The following BEGAIN variants were observed in gnomAD, a reference collection of about 807,000 sequenced individuals.
BEGAIN encodes the protein brain-enriched guanylate kinase-associated protein.
In BEGAIN, 19 loss-of-function variants were observed where a neutral mutation model predicts 35.8. That is an observed-to-expected ratio of 0.53 (90% CI 0.37 to 0.78). The LOEUF (loss-of-function observed/expected upper bound fraction) is 0.78. Ranked by LOEUF, BEGAIN falls within the 30% of genes least tolerant of loss-of-function variation. The pLI, the probability that BEGAIN is intolerant of heterozygous loss-of-function variation, is 0.00. For missense variants in BEGAIN, 795 were observed against 853.6 expected (o/e 0.93, Z 0.85); for synonymous variants, 462 against 388.6 (o/e 1.19, Z -2.22).
Position 100,538,765 on chromosome 14 carries a change from C to A in BEGAIN, c.1043G>T (p.Ser348Ile). The A allele has an allele frequency of 6.3e-7, 1 of 1,586,100 alleles. No homozygotes were observed. The highest frequency in any genetic ancestry group is 1.8e-5 in the Admixed American group (1 of 54,894). The stretch of plus-strand genomic sequence containing the variant: ...CTTGCGGTCGAAGAGCTCGTCGCGG[C>A]TGTTCAGGTAGATGGCCTGCTGCGA... ...TASQQAIYLN[S>I]RDELFDRKPP... is the part of the protein sequence containing the mutation. Residue 348 changes from serine (S) to isoleucine (I), a missense_variant, in exon 7 of 7, where the codon AGC (serine) becomes ATC (isoleucine). By Grantham distance (142) the Ser-to-Ile change is moderately radical. Coordinates refer to ENST00000554140, the MANE Select transcript of BEGAIN (RefSeq NM_001385089.1).
intron 1 of BEGAIN, among the ~76,000 whole-genome samples, chr14:100,581,396 A>G (rs1383169592): frequency 6.6e-6 from 1 of 152,024 alleles, no homozygotes; most frequent in Non-Finnish European, 1.5e-5. Flanking sequence ...GCTGCCGGCT[A>G]CCGTGGGCTC....
In BEGAIN at chr14:100,567,795, C is replaced by A; in HGVS notation, c.71+116G>T. 2 of 1,108,406 alleles carry A rather than the reference C, an allele frequency of 1.8e-6. No homozygotes were observed. The highest frequency in any genetic ancestry group is 2.4e-6 in the Non-Finnish European group (2 of 844,968). 68.7% of individuals were successfully genotyped at this position (1,108,406 alleles called of 1,614,324 possible). ...CACCTGGCCCGCAGCCCCGCCGAGG[C>A]CGCCCGCGGGCCCTGGGGGATGCGC... On this transcript the variant is annotated intron_variant, in intron 2 of 6. Transcript: ENST00000554140. This position sits in a 1 kb window ranked among gnomAD's most constrained non-coding sequence, Gnocchi z 5.1.
chr14:100,539,247 C>A lies in BEGAIN; in HGVS notation c.561G>T (p.Pro187=). The change falls in exon 7 of 7, where the codon CCG becomes CCT. Residue 187 remains proline (P), a synonymous_variant. Coordinates refer to ENST00000554140, the MANE Select transcript of BEGAIN (RefSeq NM_001385089.1). ...MEKHGCSLPS[P]LCHPAYADSV... is the part of the protein sequence containing the mutation. ...TGTCGGCGTAGGCCGGGTGGCAGAG[C>A]GGGGATGGCAGGCTGCAGCCGTGCT... 2 of 1,588,014 alleles carry A rather than the reference C, an allele frequency of 1.3e-6. No individual in the cohort carries two copies. The highest frequency in any genetic ancestry group is 8.6e-7 in the Non-Finnish European group (1 of 1,167,240).
intron 3 of BEGAIN, 54 bp downstream of exon 3, chr14:100,546,447 G>C (rs1172286616): frequency 1.3e-5 from 2 of 152,612 alleles, no homozygotes; most frequent in African/African-American, 6.8e-5. Context: ...CCCCGCCCCG[G>C]CCCTCGCCCC....
intron 2 of BEGAIN, chr14:100,546,915 C>G: frequency 2.7e-6 from 1 of 374,120 alleles, no homozygotes; most frequent in South Asian, 6.5e-5. Context: ...CCTCAGACTC[C>G]ACCAGTGTCC....
intron 2 of BEGAIN, among the ~76,000 whole-genome samples, chr14:100,562,452 C>T (rs1353495355): frequency 3.9e-5 from 6 of 152,118 alleles, no homozygotes; most frequent in East Asian, 1.9e-4. Context: ...CCCTCAAACC[C>T]GCTCCTCCCC....
chr14:100,579,257 C>T (rs146020846), intron 1 of BEGAIN, among the ~76,000 whole-genome samples: 1 of 152,338 alleles, frequency 6.6e-6, no homozygotes, highest in African/African-American at 2.4e-5. Flanking sequence ...TGCAATTCTC[C>T]AATGATATAC....
At chr14:100,578,160 A>G (rs1196689721) in intron 1 of BEGAIN, among the ~76,000 whole-genome samples, 1 of 152,164 alleles carries the variant, frequency 6.6e-6, no homozygotes, top group Non-Finnish European at 1.5e-5. Context: ...ACTAAATGAG[A>G]GCTGAGCTTC....
intron 6 of BEGAIN, among the ~76,000 whole-genome samples, chr14:100,539,653 C>A (rs2031261137): frequency 6.6e-6 from 1 of 152,052 alleles, no homozygotes; most frequent in South Asian, 2.1e-4. Context: ...GCTCCACCCC[C>A]CGCCACCCCC....
chr14:100,546,988 T>C, intron 2 of BEGAIN: 1 of 227,008 alleles, frequency 4.4e-6, no homozygotes. Flanking sequence ...CTGGCCAGTG[T>C]GTTGGGGGCG....
In BEGAIN at chr14:100,546,786, A is replaced by G. The variant is rs908106005; in HGVS notation, c.72-124T>C. Reference sequence around the variant, plus strand: ...CCGGCGCGCGCGCGCGCGCGCACACACACACACACACACACACACACACAC... The same window carrying G: ...CCGGCGCGCGCGCGCGCGCGCACACGCACACACACACACACACACACACAC... On this transcript the variant is annotated intron_variant, in intron 2 of 6. Transcript: ENST00000554140. 6.8e-3 allele frequency: 3,258 copies of G among 480,274 alleles called. 6 individuals carry two copies. Among genetic ancestry groups the G allele is most frequent in the Non-Finnish European group, 8.1e-3 (2,531 of 310,798 alleles). The allele number at this position is 480,274 out of a possible 1,614,324, so 29.8% of individuals were successfully genotyped here.
chr14:100,550,637 T>C (rs1469768477), intron 2 of BEGAIN: 1 of 395,954 alleles, frequency 2.5e-6, no homozygotes, highest in Non-Finnish European at 4.4e-6. Flanking sequence ...GGGGAGTTGG[T>C]CCCCACCCCC....
rs1441199298 is a variant in BEGAIN at position 100,563,159 on chromosome 14, G to A, written c.71+4752C>T. 6.6e-6 allele frequency among the ~76,000 whole-genome samples: 1 copy of A among 152,214 alleles called. No homozygotes were observed. The highest frequency in any genetic ancestry group is 1.5e-5 in the Non-Finnish European group (1 of 68,034). ...AGTGTCTCAGCCTGGACAAGTGTCCGACATGGACAGGACCACAAGCACCGG... is the reference window on the plus strand; with the variant it reads ...AGTGTCTCAGCCTGGACAAGTGTCCAACATGGACAGGACCACAAGCACCGG... On this transcript the variant is annotated intron_variant, in intron 2 of 6. Coordinates refer to ENST00000554140, the MANE Select transcript of BEGAIN (RefSeq NM_001385089.1). This position sits in a 1 kb window ranked among gnomAD's most constrained non-coding sequence, Gnocchi z 4.2.
At chr14:100,540,684 G>C in intron 5 of BEGAIN, 105 bp from the exon 6 acceptor site, 1 of 792,284 alleles carries the variant, frequency 1.3e-6, no homozygotes, top group Non-Finnish European at 2.1e-6. Context: ...CACAGGGCCT[G>C]CTGTGCGCTC....
chr14:100,574,880 G>A (rs1393991384), intron 1 of BEGAIN, among the ~76,000 whole-genome samples: 1 of 152,192 alleles, frequency 6.6e-6, no homozygotes, highest in Non-Finnish European at 1.5e-5. Flanking sequence ...CCCACCCAGG[G>A]CCATGCCCCT....
At chr14:100,580,950 TCCCACCCTATGGTCC>T (rs1254854911) in intron 1 of BEGAIN, among the ~76,000 whole-genome samples, 2 of 152,090 alleles carry the variant, frequency 1.3e-5, no homozygotes, top group African/African-American at 4.8e-5. Context: ...AGTGTCCTCC[TCCCACCCTATGGTCC>T]CCGACAGTCG....
intron 4 of BEGAIN, among the ~76,000 whole-genome samples, chr14:100,544,241 G>C (rs2032049704): frequency 6.6e-6 from 1 of 152,216 alleles, no homozygotes; most frequent in South Asian, 2.1e-4. Flanking sequence ...GGAGCTGGGA[G>C]TGGGGACGGA....
rs762662042 is a variant in BEGAIN, at chr14:100,538,062, G to C, written c.1746C>G (p.Ser582Arg). The C allele has an allele frequency of 6.3e-7, 1 of 1,599,404 alleles. No individual in the cohort carries two copies. Among genetic ancestry groups the C allele is most frequent in the East Asian group, 2.2e-5 (1 of 44,564 alleles). Residue 582 changes from serine to arginine, a missense_variant, in exon 7 of 7, where the codon AGC becomes AGG. Ser to Arg is a moderately radical substitution (Grantham distance 110, BLOSUM62 -1). Around this residue, in one of 3 missense-constraint regions of BEGAIN, gnomAD observed 664 missense variants for 647.7 expected, o/e 1.03. Coordinates refer to ENST00000554140, the MANE Select transcript of BEGAIN (RefSeq NM_001385089.1). ...SPEMHPAARLSPQQAFPRTGG... is the reference protein window; with the variant it reads ...SPEMHPAARLRPQQAFPRTGG... ...CAGTCCGCGGAAAGGCCTGCTGGGG[G>C]CTGAGGCGGGCGGCAGGATGCATTT...
intron 2 of BEGAIN, among the ~76,000 whole-genome samples, chr14:100,559,587 C>A (rs1330170939): frequency 6.6e-6 from 1 of 152,236 alleles, no homozygotes; most frequent in African/African-American, 2.4e-5. Context: ...ATTTGACCAC[C>A]CCACCAGGCT....
Sources: allele counts gnomAD v4.1 joint callset (sites outside exome capture counted in the v4.1 genomes callset), GRCh38; gene constraint gnomAD v4.1.1; regional missense constraint gnomAD v4.1.1; non-coding constraint Gnocchi (gnomAD v3.1); transcripts MANE v1.5; gene names NCBI Gene and HGNC (gene_info 2026-07-23, HGNC 2026-07-21).